Variants in CAMTA1 observed in about 807,000 individuals in gnomAD.
The protein encoded by CAMTA1 is calmodulin-binding transcription activator 1.
A neutral mutation model predicts 170.9 loss-of-function variants in CAMTA1; 27 were observed. The ratio of observed to expected loss-of-function variants is 0.16; its 90% confidence interval spans 0.12 to 0.22. The LOEUF (loss-of-function observed/expected upper bound fraction) is 0.22, where lower values mean the gene tolerates loss of function less well. Among genes scored for constraint, CAMTA1 ranks in the 10% least tolerant of loss-of-function variants. The pLI is 1.00. For missense variants in CAMTA1, 1,619 were observed against 2,217.2 expected (o/e 0.73, Z 5.42); for synonymous variants, 833 against 891.5 (o/e 0.93, Z 1.17).
chr1:7,602,433 T>C (rs2095454500), intron 6 of CAMTA1, among the ~76,000 whole-genome samples: 1 of 152,184 alleles, frequency 6.6e-6, no homozygotes, highest in African/African-American at 2.4e-5. Context: ...ATTTTCTACT[T>C]TATTTGCATA....
At chr1:7,670,433 AG>A (rs1284785229) in intron 9 of CAMTA1, among the ~76,000 whole-genome samples, 2 of 152,056 alleles carry the variant, frequency 1.3e-5, no homozygotes, top group African/African-American at 4.8e-5. Context: ...ACTCCCTACA[AG>A]AACTTCTGGT....
At chr1:7,545,128 C>T (rs944216789) in intron 6 of CAMTA1, among the ~76,000 whole-genome samples, 1 of 152,176 alleles carries the variant, frequency 6.6e-6, no homozygotes, top group Non-Finnish European at 1.5e-5. Flanking sequence ...CCATAACTTG[C>T]TTATGCCGTT....
chr1:7,348,683 G>C (rs1045539757), intron 5 of CAMTA1, among the ~76,000 whole-genome samples: 1 of 152,172 alleles, frequency 6.6e-6, no homozygotes, highest in African/African-American at 2.4e-5. Context: ...GAGATAATAG[G>C]AACCTGGAGA....
intron 4 of CAMTA1, among the ~76,000 whole-genome samples, chr1:7,098,877 C>T (rs138658661): frequency 0.021 from 3,158 of 152,202 alleles, 38 homozygotes; most frequent in Middle Eastern, 0.024. Context: ...ATGTCCCTGG[C>T]ACAAGAGCTG....
intron 5 of CAMTA1, among the ~76,000 whole-genome samples, chr1:7,263,922 C>G (rs138206913): frequency 2.6e-5 from 4 of 152,224 alleles, no homozygotes; most frequent in Non-Finnish European, 5.9e-5. Context: ...ATTTTTAATG[C>G]TCCTAATATG....
chr1:6,859,326 G>T (rs1663753638), intron 3 of CAMTA1, among the ~76,000 whole-genome samples: 1 of 152,178 alleles, frequency 6.6e-6, no homozygotes, highest in Admixed American at 6.5e-5. Flanking sequence ...GTGTGGGTAT[G>T]TGTGTGCATA....
At chr1:7,315,599 T>C (rs1288089494) in intron 5 of CAMTA1, among the ~76,000 whole-genome samples, 3 of 152,208 alleles carry the variant, frequency 2.0e-5, no homozygotes, top group Non-Finnish European at 4.4e-5. Flanking sequence ...ACCTTGTTTT[T>C]GTGTCCTGAG....
chr1:6,962,251 G>A (rs1019276163), intron 3 of CAMTA1, among the ~76,000 whole-genome samples: 26 of 152,288 alleles, frequency 1.7e-4, no homozygotes, highest in African/African-American at 5.8e-4. Context: ...GTGCAGCGGG[G>A]ACACCCACCT....
At chr1:7,483,534 T>G (rs1296076776) in intron 6 of CAMTA1, among the ~76,000 whole-genome samples, 1 of 152,144 alleles carries the variant, frequency 6.6e-6, no homozygotes, top group Non-Finnish European at 1.5e-5. Context: ...CTTCCTTTCC[T>G]GGGGAGAACT....
chr1:7,549,001 T>C (rs1226670863), intron 6 of CAMTA1, among the ~76,000 whole-genome samples: 5 of 125,912 alleles, frequency 4.0e-5, no homozygotes, highest in Non-Finnish European at 1.7e-5. Context: ...GTAGAGGTGC[T>C]GGTGGAGGGT....
chr1:6,997,748 C>T (rs1305308605), intron 3 of CAMTA1, among the ~76,000 whole-genome samples: 2 of 150,530 alleles, frequency 1.3e-5, no homozygotes, highest in Non-Finnish European at 3.0e-5. Context: ...GCAACCTCCA[C>T]CTCCCGGGTT....
At chr1:7,398,193 C>CTCTCTCTCTATATATA (rs1557651862) in intron 5 of CAMTA1, among the ~76,000 whole-genome samples, 1 of 16,896 alleles carries the variant, frequency 5.9e-5, no homozygotes, top group Non-Finnish European at 1.1e-4. Flanking sequence ...CTCTCTCTCT[C>CTCTCTCTCTATATATA]TATATATATA....
chr1:6,878,939 A>G (rs1670691600), intron 3 of CAMTA1, among the ~76,000 whole-genome samples: 2 of 152,320 alleles, frequency 1.3e-5, no homozygotes, highest in African/African-American at 2.4e-5. Flanking sequence ...ACATCTCACT[A>G]ATTCATTTTC....
rs1674004150 is a variant in CAMTA1, at chr1:7,296,742, A to G, written c.438+47116A>G. ...AGATGTCAAGTGGCCCATTGAATAC[A>G]TATGTCTGGAGCTCAGGGGAGCAGT... On this transcript the variant is annotated intron_variant, in intron 5 of 22. Coordinates refer to ENST00000303635, the MANE Select transcript of CAMTA1 (RefSeq NM_015215.4). Among the ~76,000 whole-genome samples the G allele has an allele frequency of 2.0e-5, 3 of 152,156 alleles. No homozygotes were observed. The South Asian group carries it at 6.2e-4, about 32-fold the overall frequency.
At chr1:7,737,216 T>G in intron 14 of CAMTA1, 39 bp from the exon 15 acceptor site, 1 of 1,591,906 alleles carries the variant, frequency 6.3e-7, no homozygotes, top group South Asian at 1.1e-5. Context: ...GGTCTTGACC[T>G]CTGATTGAGA....
At chr1:7,165,480 G>A (rs1029865669) in intron 4 of CAMTA1, among the ~76,000 whole-genome samples, 1 of 152,030 alleles carries the variant, frequency 6.6e-6, no homozygotes, top group African/African-American at 2.4e-5. Flanking sequence ...CACCCAGGCT[G>A]GAGTGCAGTA....
intron 7 of CAMTA1, 124 bp downstream of exon 7, chr1:7,640,677 G>T (rs539220284): frequency 1.8e-6 from 2 of 1,129,454 alleles, no homozygotes; most frequent in South Asian, 2.8e-5. Flanking sequence ...TTGCTGGAAT[G>T]ACAGTGGCAC....
chr1:7,075,255 T>C (rs1639141818), intron 3 of CAMTA1, among the ~76,000 whole-genome samples: 2 of 152,200 alleles, frequency 1.3e-5, no homozygotes, highest in Non-Finnish European at 2.9e-5. Flanking sequence ...TTGCCAAAGC[T>C]ATGTCCTTAG....
chr1:7,151,749 T>C lies in CAMTA1; in HGVS notation c.302+60378T>C, dbSNP rs549461567. On this transcript the variant is annotated intron_variant, in intron 4 of 22. Transcript: ENST00000303635. ...AGGCTGCTGGTGCTCCTGGTGACCATTGGGAGGCCCTGGAGGGAGCCTCCT... is the reference window on the plus strand; with the variant it reads ...AGGCTGCTGGTGCTCCTGGTGACCACTGGGAGGCCCTGGAGGGAGCCTCCT... Among the ~76,000 whole-genome samples the C allele has an allele frequency of 1.5e-4, 23 of 152,300 alleles. No homozygotes were observed. The East Asian group carries it at 4.4e-3, about 29-fold the overall frequency.
Sources: allele counts gnomAD v4.1 joint callset (sites outside exome capture counted in the v4.1 genomes callset), GRCh38; gene constraint gnomAD v4.1.1; transcripts MANE v1.5; gene names NCBI Gene and HGNC (gene_info 2026-07-23, HGNC 2026-07-21).